POU4F1: variants seen among roughly 807,000 people sequenced by gnomAD.
The protein encoded by POU4F1 is POU domain, class 4, transcription factor 1.
A neutral mutation model predicts 19.8 loss-of-function variants in POU4F1; 5 were observed. The observed-to-expected ratio is 0.25, with a 90% CI of 0.13 to 0.53. The LOEUF (loss-of-function observed/expected upper bound fraction) is 0.53. POU4F1 is among the 20% of genes least tolerant of loss of function. POU4F1 has a pLI of 0.96. For synonymous variants in POU4F1, 266 were observed against 247.7 expected (o/e 1.07, Z -0.69); for missense variants, 408 against 511.6 (o/e 0.80, Z 1.95).
Position 78,598,446 on chromosome 13 carries a change from T to C in POU4F1, c.*2969A>G, listed in dbSNP as rs1289090632. ...ACAAATCAACTTTTTATGGAAGAGT[T>C]CTATGTTTAAAAATACCTCTAGTGC... On this transcript the variant is annotated 3_prime_UTR_variant, in exon 2 of 2. Transcript: ENST00000377208. 2.0e-5 allele frequency: 3 copies of C among 151,990 alleles called. No homozygotes were observed. The highest frequency in any genetic ancestry group is 4.4e-5 in the Non-Finnish European group (3 of 67,976). 9.4% of individuals were successfully genotyped at this position (151,990 alleles called of 1,614,324 possible). A position where few individuals can be genotyped will look rare whatever the true frequency, so the allele number is the denominator to read the frequency against.
Position 78,602,055 on chromosome 13 carries a change from G to A in POU4F1, c.620C>T (p.Ala207Val). 2.1e-6 allele frequency: 1 copy of A among 466,216 alleles called. No individual in the cohort carries two copies. The highest frequency in any genetic ancestry group is 1.0e-3 in the Middle Eastern group (1 of 998). 28.9% of individuals were successfully genotyped at this position (466,216 alleles called of 1,614,324 possible). ...CGGCAGCCCGGACGGCATGTTCATG[G>A]CGGCCGCCGCCGCGGGGTGCGACAG... ...GHLSHPAAAA[A>V]MNMPSGLPHP... The change falls in exon 2 of 2, where the codon GCC becomes GTC. Residue 207 changes from alanine (A) to valine (V), a missense_variant. Physicochemically the swap from Ala to Val is moderately conservative, Grantham distance 64. This residue lies in a region of POU4F1 where 294 missense variants were observed against 288.2 expected (regional missense o/e 1.02). Coordinates refer to ENST00000377208, the MANE Select transcript of POU4F1 (RefSeq NM_006237.4).
At position 78,601,640 on chromosome 13, in the gene POU4F1, G is replaced by A. The variant is rs1375452943; in HGVS notation, c.1035C>T (p.Asn345=). Residue 345 remains asparagine, a synonymous_variant, in exon 2 of 2, where the codon AAC becomes AAT. Transcript: ENST00000377208. The stretch of plus-strand genomic sequence containing the variant: ...CGCCGCCGTTGAAGAGCTCAGGCTT[G>A]TTCATTTTCTCGCGCTGGGCGCCCT... ...EAEGAQREKM[N]KPELFNGGEK... is the part of the protein sequence containing the mutation. 6.2e-7 allele frequency: 1 copy of A among 1,613,774 alleles called. No individual in the cohort carries two copies. The highest frequency in any genetic ancestry group is 8.5e-7 in the Non-Finnish European group (1 of 1,179,976).
At position 78,601,368 on chromosome 13, in the gene POU4F1, G is replaced by A. The variant is rs752538872; in HGVS notation, c.*47C>T. ...AAGCAGAGGAAAGCCCCCCAAAAAT[G>A]CCTCCTCAGCTCCCCATTCTGTCCC... On this transcript the variant is annotated 3_prime_UTR_variant, in exon 2 of 2. Coordinates refer to ENST00000377208, the MANE Select transcript of POU4F1 (RefSeq NM_006237.4). The A allele has an allele frequency of 4.4e-6, 7 of 1,608,648 alleles. No individual in the cohort carries two copies. In the South Asian group the frequency reaches 7.7e-5, roughly 18 times the overall value.
At position 78,603,515 on chromosome 13, in the gene POU4F1, G is replaced by T; in HGVS notation, c.-189C>A. 1 of 938,268 alleles carries T rather than the reference G, an allele frequency of 1.1e-6. No individual in the cohort carries two copies. The highest frequency in any genetic ancestry group is 1.3e-6 in the Non-Finnish European group (1 of 743,284). The allele number at this position is 938,268 out of a possible 1,614,324, so 58.1% of individuals were successfully genotyped here. On this transcript the variant is annotated 5_prime_UTR_variant, in exon 1 of 2. Transcript: ENST00000377208. ...GCTCCCTCTGACCGCGCAGAGCGCC[G>T]CGCGCCGGCCTCGCGGTCCCGCTTC...
Position 78,601,621 on chromosome 13 carries a change from C to T in POU4F1, c.1054G>A (p.Gly352Ser), listed in dbSNP as rs1463507577. 3.1e-6 allele frequency: 5 copies of T among 1,613,794 alleles called. No individual in the cohort carries two copies. The highest frequency in any genetic ancestry group is 1.1e-5 in the South Asian group (1 of 91,082). The change falls in exon 2 of 2, where the codon GGC becomes AGC. Residue 352 changes from glycine to serine, a missense_variant. Gly to Ser is a moderately conservative substitution (Grantham distance 56). Transcript: ENST00000377208. ...GTCCGCTTGCGCTTCTTCTCGCCGC[C>T]GTTGAAGAGCTCAGGCTTGTTCATT... ...EKMNKPELFN[G>S]GEKKRKRTSI...
rs1566266099 is a variant in POU4F1, at chr13:78,599,174, CTCT to C, written c.*2238_*2240del. The C allele has an allele frequency of 6.6e-6, 1 of 152,592 alleles. No individual in the cohort carries two copies. The highest frequency in any genetic ancestry group is 1.5e-5 in the Non-Finnish European group (1 of 68,034). 9.5% of individuals were successfully genotyped at this position (152,592 alleles called of 1,614,324 possible). On this transcript the variant is annotated 3_prime_UTR_variant, in exon 2 of 2. Coordinates refer to ENST00000377208, the MANE Select transcript of POU4F1 (RefSeq NM_006237.4). The stretch of plus-strand genomic sequence containing the variant: ...AAAACGCACCCAAATCATAAAACTG[CTCT>C]TCTTTCAGTTATGTTTTATTTGTAA...
Position 78,602,270 on chromosome 13 carries a change from G to A in POU4F1, c.405C>T (p.Gly135=). ...LALMAGAGGA[G]AAAGGGGAHD... is the part of the protein sequence containing the mutation. ...GGGCGCCGCCGCCGCCGGCCGCCGC[G>A]CCCGCGCCGCCCGCGCCGGCCATGA... Residue 135 remains glycine (G), a synonymous_variant, in exon 2 of 2, where the codon GGC becomes GGT. Transcript: ENST00000377208. 1.7e-6 allele frequency: 2 copies of A among 1,159,908 alleles called. No homozygotes were observed. The highest frequency in any genetic ancestry group is 2.1e-6 in the Non-Finnish European group (2 of 941,484). 71.9% of individuals were successfully genotyped at this position (1,159,908 alleles called of 1,614,324 possible).
Position 78,602,205 on chromosome 13 carries a change from C to G in POU4F1, c.470G>C (p.Gly157Ala). 1 of 617,176 alleles carries G rather than the reference C, an allele frequency of 1.6e-6. No homozygotes were observed. Among genetic ancestry groups the G allele is most frequent in the Non-Finnish European group, 2.0e-6 (1 of 498,382 alleles). 38.2% of individuals were successfully genotyped at this position (617,176 alleles called of 1,614,324 possible). A position where few individuals can be genotyped will look rare whatever the true frequency, so the allele number is the denominator to read the frequency against. ...PGGGGGPGGG[G>A]GPGGGPGGGG... is the part of the protein sequence containing the mutation. ...TCCCCCGGGGCCGCCGCCCGGGCCG[C>G]CGCCGCCGCCCGGGCCGCCACCGCC... is the stretch of plus-strand genomic sequence containing the variant. Residue 157 changes from glycine (G) to alanine (A), a missense_variant, in exon 2 of 2, where the codon GGC (glycine) becomes GCC (alanine). Transcript: ENST00000377208.
In POU4F1 at chr13:78,598,907, A is replaced by G. The variant is rs1381723494; in HGVS notation, c.*2508T>C. On this transcript the variant is annotated 3_prime_UTR_variant, in exon 2 of 2. Transcript: ENST00000377208. ...AGTGCTGTGGTTTAAGAGTTTCTGCAGTTAAAAAATAATAACTTTTATAAA... is the reference window on the plus strand; with the variant it reads ...AGTGCTGTGGTTTAAGAGTTTCTGCGGTTAAAAAATAATAACTTTTATAAA... The G allele has an allele frequency of 1.3e-5, 2 of 152,226 alleles. No homozygotes were observed. The highest frequency in any genetic ancestry group is 2.4e-5 in the African/African-American group (1 of 41,464). The allele number at this position is 152,226 out of a possible 1,614,324, so 9.4% of individuals were successfully genotyped here.
chr13:78,602,426 G>T lies in POU4F1; in HGVS notation c.249C>A (p.His83Gln). ...SHPFKPDATY[H>Q]TMNSVPCTST... ...ACGTGCACGGCACGCTGTTCATCGTGTGGTACGTGGCGTCCGGCTTGAAAG... is the reference window on the plus strand; with the variant it reads ...ACGTGCACGGCACGCTGTTCATCGTTTGGTACGTGGCGTCCGGCTTGAAAG... The change falls in exon 2 of 2, where the codon CAC becomes CAA. Residue 83 changes from histidine to glutamine, a missense_variant. Coordinates refer to ENST00000377208, the MANE Select transcript of POU4F1 (RefSeq NM_006237.4). 2 of 1,589,936 alleles carry T rather than the reference G, an allele frequency of 1.3e-6. No homozygotes were observed. Among genetic ancestry groups the T allele is most frequent in the Non-Finnish European group, 1.7e-6 (2 of 1,169,636 alleles).
chr13:78,599,885 A>G lies in POU4F1; in HGVS notation c.*1530T>C, dbSNP rs1273503675. ...AGGTACCTGATTATTACTATGAAAT[A>G]CTATACATGATTTTCTATTTGGGAG... On this transcript the variant is annotated 3_prime_UTR_variant, in exon 2 of 2. Transcript: ENST00000377208. 1.3e-5 allele frequency: 2 copies of G among 152,634 alleles called. No homozygotes were observed. Among genetic ancestry groups the G allele is most frequent in the Non-Finnish European group, 2.9e-5 (2 of 68,032 alleles). The allele number at this position is 152,634 out of a possible 1,614,324, so 9.5% of individuals were successfully genotyped here.
chr13:78,602,568 C>A lies in POU4F1; in HGVS notation c.124-17G>T. On this transcript the variant is annotated splice_polypyrimidine_tract_variant and intron_variant, in intron 1 of 1. Coordinates refer to ENST00000377208, the MANE Select transcript of POU4F1 (RefSeq NM_006237.4). ...GCTCTGCAGCTGCAGGCGACACAAA[C>A]CAAACCAAAAAAACCACAAAACCAA... is the stretch of plus-strand genomic sequence containing the variant. 1.4e-6 allele frequency: 2 copies of A among 1,449,268 alleles called. No individual in the cohort carries two copies. Among genetic ancestry groups the A allele is most frequent in the Non-Finnish European group, 1.8e-6 (2 of 1,103,132 alleles). The allele number at this position is 1,449,268 out of a possible 1,614,324, so 89.8% of individuals were successfully genotyped here. A position where few individuals can be genotyped will look rare whatever the true frequency, so the allele number is the denominator to read the frequency against.
intron 1 of POU4F1, 38 bp downstream of exon 1, chr13:78,603,166 G>T (rs759943464): frequency 1.5e-6 from 2 of 1,321,186 alleles, no homozygotes; most frequent in Non-Finnish European, 2.0e-6. Context: ...GGGGAGGGGC[G>T]GGCGCGCGGG....
rs1874681195 is a variant in POU4F1, at chr13:78,601,237, G to A, written c.*178C>T. On this transcript the variant is annotated 3_prime_UTR_variant, in exon 2 of 2. Coordinates refer to ENST00000377208, the MANE Select transcript of POU4F1 (RefSeq NM_006237.4). Reference sequence around the variant, plus strand: ...CCAGCACCCCAGTCCTCAAGGCTAGGGGACAGCAAAGGCAGGAAAATCAGA... The same window carrying A: ...CCAGCACCCCAGTCCTCAAGGCTAGAGGACAGCAAAGGCAGGAAAATCAGA... 1 of 1,158,150 alleles carries A rather than the reference G, an allele frequency of 8.6e-7. No individual in the cohort carries two copies. The highest frequency in any genetic ancestry group is 1.2e-6 in the Non-Finnish European group (1 of 844,594). 71.7% of individuals were successfully genotyped at this position (1,158,150 alleles called of 1,614,324 possible).
chr13:78,603,198 G>T lies in POU4F1; in HGVS notation c.123+6C>A, dbSNP rs369931082. The T allele has an allele frequency of 1.3e-5, 20 of 1,518,488 alleles. No individual in the cohort carries two copies. The highest frequency in any genetic ancestry group is 5.8e-5 in the African/African-American group (4 of 69,542). 94.1% of individuals were successfully genotyped at this position (1,518,488 alleles called of 1,614,324 possible). On this transcript the variant is annotated splice_donor_region_variant and intron_variant, in intron 1 of 1. Transcript: ENST00000377208. ...CGGGCCGGGGCCGCGGGCGTGGGGC[G>T]CTTACCGGCGGCGTGGGCAGGCAGG...
At position 78,600,048 on chromosome 13, in the gene POU4F1, G is replaced by A. The variant is rs1335342257; in HGVS notation, c.*1367C>T. 6.6e-6 allele frequency: 1 copy of A among 152,322 alleles called. No homozygotes were observed. The highest frequency in any genetic ancestry group is 1.5e-5 in the Non-Finnish European group (1 of 68,040). 9.4% of individuals were successfully genotyped at this position (152,322 alleles called of 1,614,324 possible). ...CATGCAGACCTCTTTGAAACAAATG[G>A]GGGTGGGGGCACTTTAAATCTGTCT... is the stretch of plus-strand genomic sequence containing the variant. On this transcript the variant is annotated 3_prime_UTR_variant, in exon 2 of 2. Transcript: ENST00000377208.
Position 78,600,005 on chromosome 13 carries a change from T to C in POU4F1, c.*1410A>G, listed in dbSNP as rs1016746839. ...AAGAACAAGTAAAAGGAAACACAGT[T>C]GTTCTGTTTTCGCCCAACATGCAGA... On this transcript the variant is annotated 3_prime_UTR_variant, in exon 2 of 2. Coordinates refer to ENST00000377208, the MANE Select transcript of POU4F1 (RefSeq NM_006237.4). 1.3e-5 allele frequency: 2 copies of C among 152,468 alleles called. No individual in the cohort carries two copies. The highest frequency in any genetic ancestry group is 4.8e-5 in the African/African-American group (2 of 41,370). 9.4% of individuals were successfully genotyped at this position (152,468 alleles called of 1,614,324 possible).
At chr13:78,603,170 GCGCGGGCCGGGGC>G in intron 1 of POU4F1, 21 bp downstream of exon 1, 5 of 1,330,228 alleles carry the variant, frequency 3.8e-6, no homozygotes, top group Non-Finnish European at 3.9e-6. Flanking sequence ...AGGGGCGGGC[GCGCGGGCCGGGGC>G]CGCGGGCGTG....
chr13:78,602,488 C>T lies in POU4F1; in HGVS notation c.187G>A (p.Ala63Thr), dbSNP rs1874752989. 1.3e-6 allele frequency: 2 copies of T among 1,596,014 alleles called. No homozygotes were observed. Among genetic ancestry groups the T allele is most frequent in the Non-Finnish European group, 1.7e-6 (2 of 1,173,600 alleles). ...TLLARAEALA[A>T]VDIAVSQGKS... ...CCCTGGGACACGGCGATGTCCACGG[C>T]CGCCAGCGCCTCGGCCCGCGCCAGC... Residue 63 changes from alanine (A) to threonine (T), a missense_variant, in exon 2 of 2, where the codon GCC (alanine) becomes ACC (threonine). Ala to Thr is a moderately conservative substitution (Grantham distance 58). This residue lies in a region of POU4F1 where 294 missense variants were observed against 288.2 expected (regional missense o/e 1.02). Coordinates refer to ENST00000377208, the MANE Select transcript of POU4F1 (RefSeq NM_006237.4).
Sources: allele counts gnomAD v4.1 joint callset, GRCh38; gene constraint gnomAD v4.1.1; regional missense constraint gnomAD v4.1.1; transcripts MANE v1.5; gene names NCBI Gene and HGNC (gene_info 2026-07-23, HGNC 2026-07-21).